Variants in AGBL4 observed in about 807,000 individuals in gnomAD.
AGBL4 encodes the protein cytosolic carboxypeptidase 6.
A neutral mutation model predicts 66.4 loss-of-function variants in AGBL4; 58 were observed. The ratio of observed to expected loss-of-function variants is 0.87; its 90% CI spans 0.71 to 1.09. The LOEUF (loss-of-function observed/expected upper bound fraction) is 1.09, where lower values mean the gene tolerates loss of function less well. Among genes scored for constraint, AGBL4 ranks in the 50% least tolerant of loss-of-function variants. The probability of loss-of-function intolerance (pLI) is 0.00; values close to 1 mark genes in which losing one functional copy is unlikely to be tolerated. For synonymous variants in AGBL4, 234 were observed against 222.9 expected (o/e 1.05, Z -0.44); for missense variants, 579 against 631.0 (o/e 0.92, Z 0.88).
At chr1:49,125,952 A>G (rs577556892) in intron 4 of AGBL4, among the ~76,000 whole-genome samples, 93 of 152,278 alleles carry the variant, frequency 6.1e-4, no homozygotes, top group African/African-American at 2.2e-3. Flanking sequence ...CTTAGGCATG[A>G]AAAATATCAG....
At chr1:49,858,842 C>G (rs751569106) in intron 1 of AGBL4, among the ~76,000 whole-genome samples, 1 of 152,134 alleles carries the variant, frequency 6.6e-6, no homozygotes, top group East Asian at 1.9e-4. Context: ...ATGACAAAAC[C>G]CTGTCTCCAC....
intron 3 of AGBL4, among the ~76,000 whole-genome samples, chr1:49,284,388 G>T (rs898018960): frequency 2.0e-5 from 3 of 152,066 alleles, no homozygotes; most frequent in African/African-American, 7.2e-5. Context: ...AACAGGGAAA[G>T]GAACAACCGG....
chr1:49,670,323 T>C (rs930812839), intron 3 of AGBL4, among the ~76,000 whole-genome samples: 1 of 152,122 alleles, frequency 6.6e-6, no homozygotes, highest in African/African-American at 2.4e-5. Flanking sequence ...AAACAGCAAC[T>C]TTGCTACCAG....
At chr1:49,489,285 T>C (rs1434888014) in intron 3 of AGBL4, among the ~76,000 whole-genome samples, 4 of 152,016 alleles carry the variant, frequency 2.6e-5, no homozygotes, top group African/African-American at 9.7e-5. Flanking sequence ...TGATCAATGA[T>C]GTTGAGCCTC....
At chr1:49,169,272 C>G (rs1356686905) in intron 4 of AGBL4, among the ~76,000 whole-genome samples, 1 of 152,208 alleles carries the variant, frequency 6.6e-6, no homozygotes, top group South Asian at 2.1e-4. Context: ...TCTGCTCTAA[C>G]TCACAGATTG....
At chr1:48,724,767 C>T (rs1647205552) in intron 6 of AGBL4, among the ~76,000 whole-genome samples, 2 of 152,132 alleles carry the variant, frequency 1.3e-5, no homozygotes, top group African/African-American at 4.8e-5. Flanking sequence ...AGGAAGCATA[C>T]AAGCACCTAA....
chr1:49,251,327 C>T (rs779752903), intron 3 of AGBL4, among the ~76,000 whole-genome samples: 4 of 152,206 alleles, frequency 2.6e-5, no homozygotes, highest in Non-Finnish European at 5.9e-5. Context: ...TTTTGTTTTA[C>T]TTGCCCTTCC....
At chr1:49,487,463 T>G (rs763396480) in intron 3 of AGBL4, among the ~76,000 whole-genome samples, 2 of 151,904 alleles carry the variant, frequency 1.3e-5, no homozygotes, top group African/African-American at 2.4e-5. Context: ...GTTTCCCCCA[T>G]GCTGTTCTCC....
chr1:49,597,828 G>A (rs1449942045), intron 3 of AGBL4, among the ~76,000 whole-genome samples: 1 of 152,124 alleles, frequency 6.6e-6, no homozygotes, highest in African/African-American at 2.4e-5. Context: ...GTCTGTTATT[G>A]GTGTACAGGA....
chr1:50,021,543 T>C (rs1662443800), intron 1 of AGBL4, among the ~76,000 whole-genome samples: 1 of 152,204 alleles, frequency 6.6e-6, no homozygotes. Context: ...ACTATCCAGT[T>C]GAACAAATTA....
At chr1:48,840,512 G>A (rs1028747462) in intron 6 of AGBL4, among the ~76,000 whole-genome samples, 3 of 152,122 alleles carry the variant, frequency 2.0e-5, no homozygotes, top group African/African-American at 7.2e-5. Flanking sequence ...TATTATACAT[G>A]AAAAGCTTTC....
intron 5 of AGBL4, among the ~76,000 whole-genome samples, chr1:48,899,681 C>A (rs1651898093): frequency 2.0e-5 from 3 of 152,146 alleles, no homozygotes; most frequent in Admixed American, 2.0e-4. Context: ...TAGATCCACA[C>A]TGATATGAAA....
chr1:48,610,227 T>C lies in AGBL4; in HGVS notation c.952-19242A>G, dbSNP rs114800251. On this transcript the variant is annotated intron_variant, in intron 9 of 13. Transcript: ENST00000371839. ...CCAATATTGGCTTTGTCTCTCCCATTGGACAGTGAGCTGCCTGAGGATGGA... is the reference window on the plus strand; with the variant it reads ...CCAATATTGGCTTTGTCTCTCCCATCGGACAGTGAGCTGCCTGAGGATGGA... Among the ~76,000 whole-genome samples the C allele has an allele frequency of 1.7e-3, 261 of 152,340 alleles. 1 individual carries two copies. Among genetic ancestry groups the C allele is most frequent in the African/African-American group, 6.0e-3 (249 of 41,568 alleles).
At chr1:49,394,572 C>T (rs1644915450) in intron 3 of AGBL4, among the ~76,000 whole-genome samples, 1 of 152,010 alleles carries the variant, frequency 6.6e-6, no homozygotes, top group African/African-American at 2.4e-5. Flanking sequence ...AGATGCAGAT[C>T]CCCCCTCTTC....
At chr1:49,734,377 T>C (rs1315373495) in intron 2 of AGBL4, among the ~76,000 whole-genome samples, 1 of 152,012 alleles carries the variant, frequency 6.6e-6, no homozygotes, top group Admixed American at 6.6e-5. Context: ...TCACAGATGA[T>C]GTGATCCTAT....
intron 6 of AGBL4, among the ~76,000 whole-genome samples, chr1:48,800,290 G>A (rs1167362883): frequency 6.6e-6 from 1 of 152,076 alleles, no homozygotes; most frequent in African/African-American, 2.4e-5. Flanking sequence ...TTATGTAAAG[G>A]TGCTCATAGT....
intron 6 of AGBL4, among the ~76,000 whole-genome samples, chr1:48,744,773 G>T (rs1650465060): frequency 6.6e-6 from 1 of 152,142 alleles, no homozygotes; most frequent in Admixed American, 6.5e-5. Flanking sequence ...GCCTCCATAA[G>T]GCCCAGAACA....
chr1:49,430,580 G>A (rs1013926063), intron 3 of AGBL4, among the ~76,000 whole-genome samples: 1 of 152,170 alleles, frequency 6.6e-6, no homozygotes, highest in Non-Finnish European at 1.5e-5. Flanking sequence ...CTCAAACTCT[G>A]AAAGAGCAGA....
At chr1:49,375,457 C>A (rs916764187) in intron 3 of AGBL4, among the ~76,000 whole-genome samples, 1 of 151,980 alleles carries the variant, frequency 6.6e-6, no homozygotes. Flanking sequence ...CTTTAAAAGT[C>A]ACGGTGCCCT....
Sources: gnomAD v4.1 joint callset for allele counts (sites outside exome capture counted in the v4.1 genomes callset) on GRCh38, gnomAD v4.1.1 for gene constraint, MANE v1.5 for transcripts, NCBI Gene and HGNC (gene_info 2026-07-23, HGNC 2026-07-21) for gene names.